Variants in PCDH9 observed in about 807,000 individuals in gnomAD.
PCDH9 encodes protocadherin 9.
PCDH9 carries 24 observed loss-of-function variants against 70.6 expected under a neutral mutation model. The observed-to-expected ratio is 0.34, with a 90% CI of 0.25 to 0.48. The LOEUF (loss-of-function observed/expected upper bound fraction) is 0.48. Among genes scored for constraint, PCDH9 ranks in the 20% least tolerant of loss-of-function variants. The pLI is 0.99. For synonymous variants in PCDH9, 562 were observed against 558.5 expected, an observed-to-expected ratio of 1.01 and a Z score of -0.09; for missense variants, 1,281 against 1,503.6, an observed-to-expected ratio of 0.85 and a Z score of 2.45.
At chr13:67,200,908 C>A (rs1219029663) in intron 2 of PCDH9, 1 of 152,032 alleles carries the variant, frequency 6.6e-6, no homozygotes, top group Non-Finnish European at 1.5e-5. Context: ...CATGTTTTCA[C>A]TCATCATTTT....
chr13:66,633,650 A>C (rs532385235), intron 3 of PCDH9, among the ~76,000 whole-genome samples: 54 of 152,226 alleles, frequency 3.5e-4, no homozygotes, highest in Non-Finnish European at 7.1e-4. Flanking sequence ...ATACCTCTTA[A>C]CTCTGGTGAG....
At chr13:66,746,819 G>A (rs2079373059) in intron 3 of PCDH9, among the ~76,000 whole-genome samples, 1 of 152,024 alleles carries the variant, frequency 6.6e-6, no homozygotes, top group African/African-American at 2.4e-5. Context: ...AGGTGAAAAA[G>A]AAATTAATAT....
At chr13:66,379,634 A>G (rs1307599779) in intron 4 of PCDH9, among the ~76,000 whole-genome samples, 2 of 152,196 alleles carry the variant, frequency 1.3e-5, no homozygotes, top group East Asian at 3.9e-4. Flanking sequence ...GCTCTGAGCC[A>G]AAGAGGCAGG....
chr13:66,779,873 A>ATATATATGTG, intron 3 of PCDH9, among the ~76,000 whole-genome samples: 1 of 115,876 alleles, frequency 8.6e-6, no homozygotes. Context: ...ATATACATAT[A>ATATATATGTG]TGTGTGTGTG....
At chr13:66,588,603 T>G (rs1307437958) in intron 4 of PCDH9, among the ~76,000 whole-genome samples, 1 of 151,802 alleles carries the variant, frequency 6.6e-6, no homozygotes, top group Non-Finnish European at 1.5e-5. Context: ...CACAAGGAAA[T>G]TTCTAAATAA....
At chr13:66,713,623 GTGTATATATATATATA>G (rs1477949464) in intron 3 of PCDH9, among the ~76,000 whole-genome samples, 8 of 93,028 alleles carry the variant, frequency 8.6e-5, no homozygotes, top group East Asian at 3.6e-4. Flanking sequence ...GTGTGTGTGT[GTGTATATATATATATA>G]TATATATATA....
intron 4 of PCDH9, among the ~76,000 whole-genome samples, chr13:66,423,945 A>G (rs180767110): frequency 8.8e-4 from 134 of 152,282 alleles, no homozygotes; most frequent in Admixed American, 1.6e-3. Context: ...TTAGCCCCAA[A>G]TCTCCTTAAG....
At chr13:67,139,203 T>C (rs1263866071) in intron 2 of PCDH9, among the ~76,000 whole-genome samples, 1 of 152,226 alleles carries the variant, frequency 6.6e-6, no homozygotes, top group Non-Finnish European at 1.5e-5. Flanking sequence ...AACTGAAGAC[T>C]TTCTTCTGAC....
intron 3 of PCDH9, among the ~76,000 whole-genome samples, chr13:66,767,256 T>C (rs1391005095): frequency 1.3e-5 from 2 of 150,922 alleles, no homozygotes; most frequent in Non-Finnish European, 2.9e-5. Context: ...AAAGGGAAGG[T>C]TTTATCTGGA....
intron 2 of PCDH9, among the ~76,000 whole-genome samples, chr13:66,978,881 T>C: frequency 6.6e-6 from 1 of 151,202 alleles, no homozygotes; most frequent in East Asian, 1.9e-4. Flanking sequence ...TGTATGAAGT[T>C]ATTAAGGCCA....
intron 4 of PCDH9, among the ~76,000 whole-genome samples, chr13:66,581,405 T>A (rs1472340154): frequency 6.6e-6 from 1 of 152,150 alleles, no homozygotes; most frequent in Non-Finnish European, 1.5e-5. Flanking sequence ...ATAAGGAGAT[T>A]AACATTAAAC....
chr13:66,457,491 A>G (rs1958340632), intron 4 of PCDH9, among the ~76,000 whole-genome samples: 1 of 152,058 alleles, frequency 6.6e-6, no homozygotes, highest in African/African-American at 2.4e-5. Flanking sequence ...TTGTTCATCA[A>G]AAAAGGAATA....
chr13:66,958,576 A>G (rs2083297737), intron 2 of PCDH9, among the ~76,000 whole-genome samples: 1 of 152,180 alleles, frequency 6.6e-6, no homozygotes, highest in African/African-American at 2.4e-5. Context: ...TTTCACACAT[A>G]TCACATTACC....
At chr13:67,081,113 G>T (rs1230756755) in intron 2 of PCDH9, among the ~76,000 whole-genome samples, 1 of 152,150 alleles carries the variant, frequency 6.6e-6, no homozygotes, top group Non-Finnish European at 1.5e-5. Flanking sequence ...TTGTTTTATG[G>T]ATTCAATGTT....
chr13:66,737,767 C>A (rs977903732), intron 3 of PCDH9, among the ~76,000 whole-genome samples: 1 of 152,182 alleles, frequency 6.6e-6, no homozygotes, highest in Admixed American at 6.5e-5. Context: ...CACTCCCACC[C>A]GAATATTGCG....
intron 3 of PCDH9, among the ~76,000 whole-genome samples, chr13:66,775,588 T>A (rs754340059): frequency 6.6e-6 from 1 of 152,196 alleles, no homozygotes; most frequent in Non-Finnish European, 1.5e-5. Flanking sequence ...GATGATGAAC[T>A]TTGTGATGAC....
At chr13:66,868,120 T>C (rs1312924467) in intron 3 of PCDH9, among the ~76,000 whole-genome samples, 1 of 152,048 alleles carries the variant, frequency 6.6e-6, no homozygotes, top group Non-Finnish European at 1.5e-5. Context: ...GATTCAAATT[T>C]CACTGATATA....
At chr13:66,576,217 CT>C (rs2076813068) in intron 4 of PCDH9, among the ~76,000 whole-genome samples, 1 of 151,764 alleles carries the variant, frequency 6.6e-6, no homozygotes. Context: ...TAGTTTTATT[CT>C]TTTAAAATTT....
intron 4 of PCDH9, among the ~76,000 whole-genome samples, chr13:66,602,449 C>T (rs1490344917): frequency 6.9e-6 from 1 of 144,604 alleles, no homozygotes; most frequent in Non-Finnish European, 1.5e-5. Flanking sequence ...CGTGCATAGG[C>T]CTAGATTAAT....
Sources: gnomAD v4.1 joint callset for allele counts (sites outside exome capture counted in the v4.1 genomes callset) on GRCh38, gnomAD v4.1.1 for gene constraint, MANE v1.5 for transcripts, NCBI Gene and HGNC (gene_info 2026-07-23, HGNC 2026-07-21) for gene names.